Variants in MAP3K19 observed in about 807,000 individuals in gnomAD.
MAP3K19 encodes SPS1/STE20-related protein kinase YSK4.
Under a neutral mutation model 114.4 loss-of-function variants are expected in MAP3K19, and 91 were observed. The ratio of observed to expected loss-of-function variants is 0.80; its 90% CI spans 0.67 to 0.95. The LOEUF (loss-of-function observed/expected upper bound fraction) is 0.95. Ranked by LOEUF, MAP3K19 falls within the 40% of genes least tolerant of loss-of-function variation. MAP3K19 has a pLI of 0.00. For synonymous variants in MAP3K19, 518 were observed against 530.5 expected (o/e 0.98, Z 0.32); for missense variants, 1,471 against 1,573.2 (o/e 0.94, Z 1.10).
chr2:135,034,284 C>T (rs975415872), intron 2 of MAP3K19, among the ~76,000 whole-genome samples: 2 of 129,240 alleles, frequency 1.5e-5, no homozygotes, highest in East Asian at 2.4e-4. Context: ...ACTTCCCAGA[C>T]GGGATGGCGG....
At chr2:134,997,681 T>C (rs1686099918) in intron 8 of MAP3K19, among the ~76,000 whole-genome samples, 1 of 151,842 alleles carries the variant, frequency 6.6e-6, no homozygotes, top group Non-Finnish European at 1.5e-5. Context: ...TAGCTGGGCG[T>C]GGTGGCATGC....
intron 1 of MAP3K19, among the ~76,000 whole-genome samples, chr2:135,045,094 A>G (rs1688713595): frequency 6.6e-6 from 1 of 152,208 alleles, no homozygotes. Context: ...TGCACCCTGT[A>G]AACGTTTCTC....
At chr2:135,043,744 T>C (rs1445815312) in intron 1 of MAP3K19, among the ~76,000 whole-genome samples, 1 of 152,206 alleles carries the variant, frequency 6.6e-6, no homozygotes, top group East Asian at 1.9e-4. Context: ...AAAACTCCCC[T>C]GTGTTCTGCC....
At chr2:134,995,600 A>C (rs570966795) in intron 8 of MAP3K19, among the ~76,000 whole-genome samples, 320 of 152,340 alleles carry the variant, frequency 2.1e-3, no homozygotes, top group African/African-American at 6.5e-3. Flanking sequence ...GATGGGATGA[A>C]TTAGTAACAG....
At chr2:135,027,498 A>G (rs13399376) in intron 3 of MAP3K19, among the ~76,000 whole-genome samples, 40,205 of 151,874 alleles carry the variant, frequency 0.26, 7,150 homozygotes, top group African/African-American at 0.48. Context: ...AATTGAATTG[A>G]CACCCTTCAG....
chr2:134,992,169 C>T (rs765373333), intron 8 of MAP3K19, among the ~76,000 whole-genome samples: 6 of 152,184 alleles, frequency 3.9e-5, no homozygotes, highest in African/African-American at 7.2e-5. Context: ...ACACTAACTT[C>T]GGAGGCGTTT....
At chr2:134,995,583 T>C (rs1223005201) in intron 8 of MAP3K19, among the ~76,000 whole-genome samples, 1 of 152,124 alleles carries the variant, frequency 6.6e-6, no homozygotes, top group Non-Finnish European at 1.5e-5. Context: ...ATAGGTGCAA[T>C]ACACAGGATG....
At chr2:134,970,152 G>A (rs1683766298) in intron 12 of MAP3K19, among the ~76,000 whole-genome samples, 1 of 151,940 alleles carries the variant, frequency 6.6e-6, no homozygotes, top group African/African-American at 2.4e-5. Flanking sequence ...GGATTGTTTT[G>A]TATATATTTC....
chr2:134,990,630 C>T (rs139255014), intron 9 of MAP3K19, among the ~76,000 whole-genome samples: 3,345 of 152,050 alleles, frequency 0.022, 131 homozygotes, highest in African/African-American at 0.076. Context: ...GCACCCGCCA[C>T]CATGCCCAGC....
At chr2:134,972,200 A>T (rs1211434573) in intron 12 of MAP3K19, among the ~76,000 whole-genome samples, 1 of 148,268 alleles carries the variant, frequency 6.7e-6, no homozygotes, top group Non-Finnish European at 1.5e-5. Context: ...CAAGCTTTCT[A>T]TTTTTTTTTT....
chr2:135,031,031 A>G (rs1346837524), intron 2 of MAP3K19, among the ~76,000 whole-genome samples: 5 of 152,146 alleles, frequency 3.3e-5, no homozygotes, highest in Non-Finnish European at 7.3e-5. Context: ...TCTATTCAAT[A>G]TGGTGAGGGG....
intron 2 of MAP3K19, among the ~76,000 whole-genome samples, chr2:135,039,835 GT>G (rs1241650208): frequency 2.0e-5 from 3 of 152,102 alleles, no homozygotes. Context: ...ACCCAAATGG[GT>G]TACTTTTTCA....
intron 8 of MAP3K19, among the ~76,000 whole-genome samples, chr2:134,997,375 G>A (rs1460551439): frequency 6.6e-6 from 1 of 152,156 alleles, no homozygotes; most frequent in African/African-American, 2.4e-5. Context: ...GGGGCACAGA[G>A]TTTCAGTTTT....
Position 134,998,828 on chromosome 2 carries a change from G to A in MAP3K19, c.484C>T (p.Pro162Ser), listed in dbSNP as rs1426838121. ...ATGTTCAGTTCTAAACAAGATCTTGGTAGCAAAAAGCCCAAGTTCACATTG... is the reference window on the plus strand; with the variant it reads ...ATGTTCAGTTCTAAACAAGATCTTGATAGCAAAAAGCCCAAGTTCACATTG... ...LCNVNLGFLL[P>S]RSCLELNISK... Residue 162 changes from proline (P) to serine (S), a missense_variant, in exon 8 of 13, where the codon CCA becomes TCA. Pro to Ser is a moderately conservative substitution (Grantham distance 74, BLOSUM62 -1). Transcript: ENST00000392915. The A allele has an allele frequency of 1.2e-6, 2 of 1,614,170 alleles. No individual in the cohort carries two copies. The highest frequency in any genetic ancestry group is 1.1e-5 in the South Asian group (1 of 91,086).
Position 135,037,158 on chromosome 2 carries a change from G to A in MAP3K19, c.-284+3205C>T, listed in dbSNP as rs376227634. 5.9e-5 allele frequency among the ~76,000 whole-genome samples: 9 copies of A among 152,230 alleles called. No homozygotes were observed. The East Asian group carries it at 1.3e-3, about 23-fold the overall frequency. ...ATTACAGGAACCCGCCATCATGCCC[G>A]GCTAATATTTGCATTTTTAGAAGAG... is the stretch of plus-strand genomic sequence containing the variant. On this transcript the variant is annotated intron_variant, in intron 2 of 12. Transcript: ENST00000392915.
At chr2:135,038,166 G>A (rs936990671) in intron 2 of MAP3K19, among the ~76,000 whole-genome samples, 3 of 152,042 alleles carry the variant, frequency 2.0e-5, no homozygotes, top group Middle Eastern at 3.2e-3. Context: ...ATGGAAAGAA[G>A]CATCATTGTT....
At chr2:134,995,308 C>T (rs1261544598) in intron 8 of MAP3K19, among the ~76,000 whole-genome samples, 2 of 135,982 alleles carry the variant, frequency 1.5e-5, no homozygotes, top group African/African-American at 2.8e-5. Context: ...CAGAGTCAGA[C>T]TCTGTCTCAA....
chr2:135,008,645 GT>G (rs938714669), intron 5 of MAP3K19, among the ~76,000 whole-genome samples: 6 of 152,088 alleles, frequency 3.9e-5, no homozygotes. Context: ...TAAAAGTAAA[GT>G]TTATCCCTAT....
chr2:135,014,002 T>A lies in MAP3K19; in HGVS notation c.138+7713A>T, dbSNP rs142121909. 1.7e-3 allele frequency among the ~76,000 whole-genome samples: 256 copies of A among 152,324 alleles called. 2 individuals are homozygous for A. Among genetic ancestry groups the A allele is most frequent in the Admixed American group, 3.0e-3 (46 of 15,302 alleles). Reference sequence around the variant, plus strand: ...TTGAGATTTCTGTGTCTGAAAAATGTCTTTATTCAACTCTAATGCTTAACT... The same window carrying A: ...TTGAGATTTCTGTGTCTGAAAAATGACTTTATTCAACTCTAATGCTTAACT... On this transcript the variant is annotated intron_variant, in intron 5 of 12. Coordinates refer to ENST00000392915, the MANE Select transcript of MAP3K19 (RefSeq NM_025052.5).
Sources: allele counts gnomAD v4.1 joint callset (sites outside exome capture counted in the v4.1 genomes callset), GRCh38; gene constraint gnomAD v4.1.1; transcripts MANE v1.5; gene names NCBI Gene and HGNC (gene_info 2026-07-23, HGNC 2026-07-21).